MED26: variants seen among roughly 807,000 people sequenced by gnomAD.
MED26 encodes mediator of RNA polymerase II transcription subunit 26.
MED26 carries 7 observed loss-of-function variants against 43.7 expected under a neutral mutation model. The ratio of observed to expected loss-of-function variants is 0.16; its 90% confidence interval spans 0.09 to 0.30. The LOEUF (loss-of-function observed/expected upper bound fraction) is 0.30. Ranked by LOEUF, MED26 falls within the 10% of genes least tolerant of loss-of-function variation. The pLI is 1.00. For synonymous variants in MED26, 375 were observed against 371.1 expected (o/e 1.01, Z -0.12); for missense variants, 784 against 840.6 (o/e 0.93, Z 0.83).
intron 1 of MED26, among the ~76,000 whole-genome samples, chr19:16,585,805 C>G (rs1025116192): frequency 6.6e-6 from 1 of 152,222 alleles, no homozygotes; most frequent in Non-Finnish European, 1.5e-5. Context: ...AATTGGGCCA[C>G]GGCATGTGTC....
rs192830361 is a variant in MED26 at position 16,609,193 on chromosome 19, T to C, written c.72+18679A>G. 3.1e-3 allele frequency among the ~76,000 whole-genome samples: 472 copies of C among 151,456 alleles called. 2 individuals carry two copies. Among genetic ancestry groups the C allele is most frequent in the South Asian group, 0.021 (100 of 4,810 alleles). ...AGCCGGGTATGGTGGTGCACACCTA[T>C]AGTCGCAGCTGCTTAGGGGGCAGCA... On this transcript the variant is annotated intron_variant, in intron 1 of 2. Transcript: ENST00000263390.
In MED26 at chr19:16,576,499, C is replaced by T. The variant is rs747945163; in HGVS notation, c.1331G>A (p.Arg444Gln). Residue 444 changes from arginine (R) to glutamine (Q), a missense_variant, in exon 3 of 3, where the codon CGG (arginine) becomes CAG (glutamine). Coordinates refer to ENST00000263390, the MANE Select transcript of MED26 (RefSeq NM_004831.5). The surrounding 1 kb of genome is among the most constrained non-coding windows in gnomAD (Gnocchi z 6.8). Reference sequence around the variant, plus strand: ...CTCCATGTGCACAGGGCTGTCTGCCCGCACTGGCTCTTTCTGGGTCAGAGG... The same window carrying T: ...CTCCATGTGCACAGGGCTGTCTGCCTGCACTGGCTCTTTCTGGGTCAGAGG... ...IKPLTQKEPVRADSPVHMEQQ... is the reference protein window; with the variant it reads ...IKPLTQKEPVQADSPVHMEQQ... 61 of 1,614,050 alleles carry T rather than the reference C, an allele frequency of 3.8e-5. 1 individual carries two copies. Among genetic ancestry groups the T allele is most frequent in the South Asian group, 3.2e-4 (29 of 91,082 alleles).
At chr19:16,602,703 G>GTT (rs2086155427) in intron 1 of MED26, among the ~76,000 whole-genome samples, 1 of 152,200 alleles carries the variant, frequency 6.6e-6, no homozygotes, top group Admixed American at 6.5e-5. Flanking sequence ...CAACAACACA[G>GTT]ATGAAGACTG....
At chr19:16,616,061 C>A (rs2086224761) in intron 1 of MED26, among the ~76,000 whole-genome samples, 1 of 152,140 alleles carries the variant, frequency 6.6e-6, no homozygotes, top group Admixed American at 6.5e-5. Flanking sequence ...TGGGCATGGA[C>A]TGGAGAGAGG....
At chr19:16,579,085 A>C (rs1430477539) in intron 1 of MED26, among the ~76,000 whole-genome samples, 1 of 152,170 alleles carries the variant, frequency 6.6e-6, no homozygotes, top group African/African-American at 2.4e-5. Context: ...TGGGTGACAG[A>C]GCAAGACTCC....
intron 1 of MED26, among the ~76,000 whole-genome samples, chr19:16,585,806 G>A (rs969561457): frequency 6.6e-6 from 1 of 152,188 alleles, no homozygotes; most frequent in African/African-American, 2.4e-5. Flanking sequence ...ATTGGGCCAC[G>A]GCATGTGTCC....
Position 16,615,603 on chromosome 19 carries a change from G to A in MED26, c.72+12269C>T, listed in dbSNP as rs544370017. Among the ~76,000 whole-genome samples the A allele has an allele frequency of 5.9e-5, 9 of 152,246 alleles. No individual in the cohort carries two copies. In the East Asian group the frequency reaches 1.7e-3, roughly 29 times the overall value. On this transcript the variant is annotated intron_variant, in intron 1 of 2. Transcript: ENST00000263390. Reference sequence around the variant, plus strand: ...TTCTACTAAAAATACAAAATTAGCTGGGTGTGGTGGCAGGCGCCTGTAATC... The same window carrying A: ...TTCTACTAAAAATACAAAATTAGCTAGGTGTGGTGGCAGGCGCCTGTAATC...
chr19:16,623,149 T>C (rs2086259070), intron 1 of MED26, among the ~76,000 whole-genome samples: 1 of 151,868 alleles, frequency 6.6e-6, no homozygotes, highest in South Asian at 2.1e-4. Context: ...GACTGTAAAG[T>C]CCACTTTCTC....
At chr19:16,615,848 T>C (rs955703983) in intron 1 of MED26, among the ~76,000 whole-genome samples, 6 of 151,818 alleles carry the variant, frequency 4.0e-5, no homozygotes, top group Admixed American at 3.9e-4. Flanking sequence ...GTCTTAATCC[T>C]GGACAGGCTG....
At chr19:16,606,879 A>G (rs1042436889) in intron 1 of MED26, among the ~76,000 whole-genome samples, 1 of 152,222 alleles carries the variant, frequency 6.6e-6, no homozygotes, top group South Asian at 2.1e-4. Flanking sequence ...ACTGCTGCAG[A>G]CACGAGAATT....
intron 1 of MED26, among the ~76,000 whole-genome samples, chr19:16,622,042 C>T (rs1476216079): frequency 1.3e-5 from 2 of 152,182 alleles, no homozygotes; most frequent in South Asian, 2.1e-4. Context: ...ACTGTTCCTT[C>T]CAGCTCTGTT....
At chr19:16,614,157 T>C (rs982726138) in intron 1 of MED26, among the ~76,000 whole-genome samples, 1 of 152,158 alleles carries the variant, frequency 6.6e-6, no homozygotes, top group African/African-American at 2.4e-5. Context: ...CATTAAGTGA[T>C]CTGCTCCAAG....
chr19:16,597,077 T>C (rs2086123294), intron 1 of MED26, among the ~76,000 whole-genome samples: 1 of 152,180 alleles, frequency 6.6e-6, no homozygotes, highest in Admixed American at 6.5e-5. Flanking sequence ...ACACCAAGCC[T>C]GAGCCCGAGC....
At chr19:16,622,353 C>A (rs2086255793) in intron 1 of MED26, among the ~76,000 whole-genome samples, 1 of 152,196 alleles carries the variant, frequency 6.6e-6, no homozygotes, top group Non-Finnish European at 1.5e-5. Flanking sequence ...AGGGGCTGAG[C>A]ATCTTCAGGT....
At chr19:16,597,006 C>T (rs1435213412) in intron 1 of MED26, among the ~76,000 whole-genome samples, 1 of 152,194 alleles carries the variant, frequency 6.6e-6, no homozygotes, top group Non-Finnish European at 1.5e-5. Context: ...TCACAGACCA[C>T]GCCCACATGG....
intron 1 of MED26, among the ~76,000 whole-genome samples, chr19:16,609,255 C>T (rs765010501): frequency 5.2e-5 from 7 of 134,568 alleles, no homozygotes; most frequent in Non-Finnish European, 7.6e-5. Flanking sequence ...GAGGTTGCAG[C>T]GAGCGGAGAT....
At chr19:16,594,263 G>C (rs184300632) in intron 1 of MED26, among the ~76,000 whole-genome samples, 10 of 152,306 alleles carry the variant, frequency 6.6e-5, no homozygotes, top group Non-Finnish European at 1.5e-5. Flanking sequence ...TTGCCGCCGA[G>C]AGCCAAATCA....
At chr19:16,585,180 C>T (rs917697926) in intron 1 of MED26, among the ~76,000 whole-genome samples, 9 of 152,204 alleles carry the variant, frequency 5.9e-5, no homozygotes, top group African/African-American at 1.7e-4. Context: ...ACAGCAGGCA[C>T]CCCTGGGGCT....
intron 1 of MED26, among the ~76,000 whole-genome samples, chr19:16,613,394 G>A (rs902312199): frequency 6.6e-6 from 1 of 152,144 alleles, no homozygotes; most frequent in Admixed American, 6.5e-5. Flanking sequence ...AGGCTCTAGA[G>A]ATGTCAGAGG....
Sources: gnomAD v4.1 joint callset for allele counts (sites outside exome capture counted in the v4.1 genomes callset) on GRCh38, gnomAD v4.1.1 for gene constraint, Gnocchi (gnomAD v3.1) non-coding constraint, MANE v1.5 for transcripts, NCBI Gene and HGNC (gene_info 2026-07-23, HGNC 2026-07-21) for gene names.